GRK5: variants seen among roughly 807,000 people sequenced by gnomAD.
The protein encoded by GRK5 is g protein-coupled receptor kinase GRK5.
A neutral mutation model predicts 78.4 loss-of-function variants in GRK5; 40 were observed. The observed-to-expected ratio is 0.51, with a 90% confidence interval of 0.40 to 0.66. GRK5 has a LOEUF of 0.66. Ranked by LOEUF, GRK5 falls within the 30% of genes least tolerant of loss-of-function variation. The probability of loss-of-function intolerance (pLI) is 0.00; values close to 1 mark genes in which losing one functional copy is unlikely to be tolerated. For synonymous variants in GRK5, 289 were observed against 296.8 expected, an observed-to-expected ratio of 0.97 and a Z score of 0.27; for missense variants, 598 against 759.9, an observed-to-expected ratio of 0.79 and a Z score of 2.50.
intron 8 of GRK5, 70 bp from the exon 9 acceptor site, chr10:119,436,581 C>A: frequency 1.4e-6 from 2 of 1,474,258 alleles, no homozygotes; most frequent in Non-Finnish European, 1.9e-6. Flanking sequence ...CTCCCAGGAT[C>A]CTGAGGAGGG....
chr10:119,342,739 T>C (rs1353367188), intron 2 of GRK5, among the ~76,000 whole-genome samples: 1 of 152,234 alleles, frequency 6.6e-6, no homozygotes, highest in South Asian at 2.1e-4. Flanking sequence ...GCCAGGGTGC[T>C]GCCAGGTGGT....
chr10:119,301,117 AAAAG>A (rs1352076172), intron 1 of GRK5, among the ~76,000 whole-genome samples: 1 of 152,072 alleles, frequency 6.6e-6, no homozygotes, highest in Admixed American at 6.6e-5. Flanking sequence ...AGAAAAAAAA[AAAAG>A]TGCAGAACCC....
intron 1 of GRK5, among the ~76,000 whole-genome samples, chr10:119,246,695 T>C (rs1287110437): frequency 6.6e-6 from 1 of 152,218 alleles, no homozygotes; most frequent in Non-Finnish European, 1.5e-5. Context: ...GCTAGAATTG[T>C]GTGGCAGAGC....
At chr10:119,339,591 C>T (rs191289426) in intron 2 of GRK5, among the ~76,000 whole-genome samples, 34 of 152,100 alleles carry the variant, frequency 2.2e-4, no homozygotes, top group African/African-American at 6.3e-4. Flanking sequence ...ATATAAACTT[C>T]CAAATTCAAA....
chr10:119,268,520 T>C (rs1017404794), intron 1 of GRK5, among the ~76,000 whole-genome samples: 7 of 152,252 alleles, frequency 4.6e-5, no homozygotes, highest in African/African-American at 1.7e-4. Context: ...AATGCTGGGC[T>C]GGCTGGATTT....
At chr10:119,365,849 G>A (rs1301299495) in intron 2 of GRK5, among the ~76,000 whole-genome samples, 1 of 152,244 alleles carries the variant, frequency 6.6e-6, no homozygotes, top group Non-Finnish European at 1.5e-5. Context: ...CTGTGTAGCA[G>A]TTCACAGCCT....
chr10:119,358,567 G>A (rs995077758), intron 2 of GRK5, among the ~76,000 whole-genome samples: 1 of 152,090 alleles, frequency 6.6e-6, no homozygotes, highest in Non-Finnish European at 1.5e-5. Flanking sequence ...GCCCTCATCT[G>A]CTCCTCTTCC....
At chr10:119,441,002 G>T (rs1417858287) in intron 10 of GRK5, among the ~76,000 whole-genome samples, 1 of 152,196 alleles carries the variant, frequency 6.6e-6, no homozygotes, top group Admixed American at 6.5e-5. Context: ...CAGAAACTGG[G>T]TCTCCTCCCA....
At chr10:119,307,507 G>C (rs908869740) in intron 1 of GRK5, among the ~76,000 whole-genome samples, 1 of 152,052 alleles carries the variant, frequency 6.6e-6, no homozygotes, top group African/African-American at 2.4e-5. Context: ...CCTGACCAGC[G>C]ACTGCTGGTT....
chr10:119,395,059 G>A (rs1852021779), intron 3 of GRK5, among the ~76,000 whole-genome samples: 1 of 144,316 alleles, frequency 6.9e-6, no homozygotes, highest in Non-Finnish European at 1.5e-5. Context: ...ACGCGGCGCA[G>A]TGGGAATCCA....
chr10:119,218,899 CT>C (rs59377653), intron 1 of GRK5, among the ~76,000 whole-genome samples: 4,272 of 142,118 alleles, frequency 0.03, 58 homozygotes, highest in Admixed American at 0.068. Context: ...AAATCTGAAA[CT>C]TTTTTTTTTT....
chr10:119,215,628 TGGTGGCGGG>T (rs1848559055), intron 1 of GRK5, among the ~76,000 whole-genome samples: 4 of 131,466 alleles, frequency 3.0e-5, no homozygotes, highest in African/African-American at 1.1e-4. Flanking sequence ...CAATCATGGA[TGGTGGCGGG>T]GGTGGAGGGG....
intron 13 of GRK5, among the ~76,000 whole-genome samples, chr10:119,451,717 G>T (rs1427258765): frequency 6.6e-6 from 1 of 152,240 alleles, no homozygotes; most frequent in African/African-American, 2.4e-5. Flanking sequence ...GCATGGCCTT[G>T]AGCCTTGAGC....
chr10:119,368,684 T>C (rs924157102), intron 2 of GRK5, among the ~76,000 whole-genome samples: 3 of 152,200 alleles, frequency 2.0e-5, no homozygotes, highest in South Asian at 2.1e-4. Flanking sequence ...ACCGATGTGC[T>C]TTCTCGAAAG....
chr10:119,210,327 C>T (rs1256811877), intron 1 of GRK5, among the ~76,000 whole-genome samples: 1 of 152,200 alleles, frequency 6.6e-6, no homozygotes, highest in African/African-American at 2.4e-5. Context: ...ATTTGCATCT[C>T]TCCCCTTCTT....
intron 2 of GRK5, among the ~76,000 whole-genome samples, chr10:119,369,479 C>G (rs926818727): frequency 2.0e-5 from 3 of 152,166 alleles, no homozygotes; most frequent in African/African-American, 7.2e-5. Context: ...AGGCCCCGCA[C>G]GGAAAGGAGA....
chr10:119,440,041 C>T (rs548845396), intron 10 of GRK5, among the ~76,000 whole-genome samples: 42 of 152,270 alleles, frequency 2.8e-4, no homozygotes, highest in Admixed American at 4.6e-4. Flanking sequence ...TCTGGCCGGG[C>T]GTGGTCTCTA....
At chr10:119,409,652 G>A (rs767401780) in intron 4 of GRK5, among the ~76,000 whole-genome samples, 5 of 152,168 alleles carry the variant, frequency 3.3e-5, no homozygotes, top group South Asian at 2.1e-4. Context: ...GTGGCATCAC[G>A]TGGCTGAGGT....
At chr10:119,228,490 C>T (rs1329511825) in intron 1 of GRK5, among the ~76,000 whole-genome samples, 1 of 150,482 alleles carries the variant, frequency 6.6e-6, no homozygotes, top group Non-Finnish European at 1.5e-5. Context: ...ATCAGCCAGG[C>T]ATGGTGGTGC....
Sources: allele counts gnomAD v4.1 joint callset (sites outside exome capture counted in the v4.1 genomes callset), GRCh38; gene constraint gnomAD v4.1.1; transcripts MANE v1.5; gene names NCBI Gene and HGNC (gene_info 2026-07-23, HGNC 2026-07-21).